The following HDX variants were observed in gnomAD, a reference collection of about 807,000 sequenced individuals.
The protein encoded by HDX is highly divergent homeobox, also known as chromosome X open reading frame 43.
In HDX, 19 loss-of-function variants were observed where a neutral mutation model predicts 45.2. The observed-to-expected ratio is 0.42, with a 90% CI of 0.29 to 0.62. The LOEUF (loss-of-function observed/expected upper bound fraction) is 0.62, where lower values mean the gene tolerates loss of function less well. Ranked by LOEUF, HDX falls within the 20% of genes least tolerant of loss-of-function variation. The probability of loss-of-function intolerance (pLI) is 0.20; values close to 1 mark genes in which losing one functional copy is unlikely to be tolerated. For missense variants in HDX, 532 were observed against 493.9 expected (o/e 1.08, Z -0.73); for synonymous variants, 188 against 172.8 (o/e 1.09, Z -0.69).
chrX:84,477,181 G>A (rs915263090), intron 2 of HDX, among the ~76,000 whole-genome samples: 3 of 111,396 alleles, frequency 2.7e-5, no homozygotes, highest in African/African-American at 9.8e-5. Flanking sequence ...TATTTCATCT[G>A]GTATGGATTT....
intron 5 of HDX, among the ~76,000 whole-genome samples, chrX:84,405,664 A>G (rs66912335): frequency 0.067 from 5,803 of 86,983 alleles, 380 homozygotes; most frequent in East Asian, 0.37. Context: ...ATATATATAT[A>G]TGTGTGTGTG....
intron 5 of HDX, among the ~76,000 whole-genome samples, chrX:84,385,536 T>A (rs1227602411): frequency 9.0e-6 from 1 of 110,677 alleles, no homozygotes; most frequent in African/African-American, 3.3e-5. Flanking sequence ...CTTGCAGCAG[T>A]TTTTTTGTAG....
At chrX:84,362,054 G>A (rs748776060) in intron 5 of HDX, among the ~76,000 whole-genome samples, 2 of 111,248 alleles carry the variant, frequency 1.8e-5, no homozygotes, top group Admixed American at 1.9e-4. Flanking sequence ...ATATTAGTGT[G>A]TTGCCTTTTG....
At chrX:84,421,649 C>A (rs201803877) in intron 5 of HDX, among the ~76,000 whole-genome samples, 15 of 95,704 alleles carry the variant, frequency 1.6e-4, no homozygotes, top group African/African-American at 3.9e-4. Context: ...AAAAAAAAAA[C>A]CATTGATCTG....
At chrX:84,420,711 A>G (rs774817535) in intron 5 of HDX, among the ~76,000 whole-genome samples, 2 of 111,712 alleles carry the variant, frequency 1.8e-5, no homozygotes, top group African/African-American at 6.5e-5. Flanking sequence ...ACTCCCAAAG[A>G]TCAATGATAA....
intron 6 of HDX, among the ~76,000 whole-genome samples, chrX:84,351,072 A>G (rs1033838815): frequency 5.5e-5 from 6 of 109,772 alleles, no homozygotes; most frequent in Admixed American, 2.0e-4. Flanking sequence ...CTATCTTATG[A>G]CAGTCACAAG....
At chrX:84,465,306 C>G (rs372117) in intron 4 of HDX, among the ~76,000 whole-genome samples, 1 of 112,035 alleles carries the variant, frequency 8.9e-6, no homozygotes, top group African/African-American at 3.2e-5. Context: ...TTTGAGCTAG[C>G]AATCCCATTA....
chrX:84,429,348 A>AT (rs763909880), intron 5 of HDX, among the ~76,000 whole-genome samples: 7 of 110,430 alleles, frequency 6.3e-5, no homozygotes, highest in African/African-American at 2.3e-4. Context: ...AACACTTTAA[A>AT]TTTTTTCACA....
intron 8 of HDX, among the ~76,000 whole-genome samples, chrX:84,336,534 G>A (rs971680376): frequency 9.0e-6 from 1 of 111,214 alleles, no homozygotes; most frequent in Non-Finnish European, 1.9e-5. Flanking sequence ...AAAATAGCTT[G>A]TTATATGTAA....
chrX:84,346,081 T>A (rs1344156718), intron 6 of HDX, among the ~76,000 whole-genome samples: 1 of 111,281 alleles, frequency 9.0e-6, no homozygotes, highest in African/African-American at 3.3e-5. Flanking sequence ...ATCCTATTAG[T>A]CTTTTGCAGC....
At chrX:84,396,436 A>G (rs763759731) in intron 5 of HDX, among the ~76,000 whole-genome samples, 1 of 112,118 alleles carries the variant, frequency 8.9e-6, no homozygotes, top group Admixed American at 9.5e-5. Flanking sequence ...TGGTAGTCTG[A>G]GTCTGCCTAT....
intron 5 of HDX, among the ~76,000 whole-genome samples, chrX:84,428,451 C>G (rs2039433086): frequency 9.0e-6 from 1 of 111,031 alleles, no homozygotes; most frequent in African/African-American, 3.2e-5. Context: ...CCAGAAAACT[C>G]TCGTCTACTT....
chrX:84,334,931 C>T (rs947957892), intron 8 of HDX, among the ~76,000 whole-genome samples: 5 of 109,650 alleles, frequency 4.6e-5, no homozygotes, highest in African/African-American at 1.3e-4. Flanking sequence ...TATACACACA[C>T]GTATATACAT....
chrX:84,445,413 G>A (rs772020084), intron 4 of HDX, among the ~76,000 whole-genome samples: 1 of 110,800 alleles, frequency 9.0e-6, no homozygotes, highest in East Asian at 2.8e-4. Flanking sequence ...AATAGGCAGA[G>A]TTTCCTAATT....
intron 7 of HDX, among the ~76,000 whole-genome samples, chrX:84,343,769 A>C (rs1465637403): frequency 9.0e-6 from 1 of 111,510 alleles, no homozygotes. Flanking sequence ...AGATATCATA[A>C]AGATAATCCA....
chrX:84,356,231 T>C (rs1205591148), intron 6 of HDX, among the ~76,000 whole-genome samples: 1 of 111,838 alleles, frequency 8.9e-6, no homozygotes, highest in African/African-American at 3.3e-5. Flanking sequence ...ATCTCAAGAA[T>C]ATATTTATGT....
At chrX:84,395,321 A>G (rs2038535455) in intron 5 of HDX, among the ~76,000 whole-genome samples, 1 of 105,916 alleles carries the variant, frequency 9.4e-6, no homozygotes, top group Non-Finnish European at 1.9e-5. Context: ...TACATTTATG[A>G]AGAATAACAT....
At chrX:84,476,136 T>C (rs1413466817) in intron 2 of HDX, among the ~76,000 whole-genome samples, 4 of 111,755 alleles carry the variant, frequency 3.6e-5, no homozygotes, top group Non-Finnish European at 7.5e-5. Context: ...TTATCTTTTC[T>C]GCCAGTAGAC....
chrX:84,418,249 AC>A (rs2039161085), intron 5 of HDX, among the ~76,000 whole-genome samples: 1 of 112,227 alleles, frequency 8.9e-6, no homozygotes. Flanking sequence ...CCAGTAAATT[AC>A]CTTAAGGAAA....
Sources: gnomAD v4.1 joint callset for allele counts (sites outside exome capture counted in the v4.1 genomes callset) on GRCh38, gnomAD v4.1.1 for gene constraint, MANE v1.5 for transcripts, NCBI Gene and HGNC (gene_info 2026-07-23, HGNC 2026-07-21) for gene names.